The following LRRC4C variants were observed in gnomAD, a reference collection of about 807,000 sequenced individuals.
LRRC4C encodes the protein leucine-rich repeat-containing protein 4C.
In LRRC4C, 5 loss-of-function variants were observed where a neutral mutation model predicts 33.6. The observed-to-expected ratio is 0.15, with a 90% CI of 0.08 to 0.31. The LOEUF (loss-of-function observed/expected upper bound fraction) is 0.31. LRRC4C is among the 10% of genes least tolerant of loss of function. LRRC4C has a pLI of 1.00. For synonymous variants in LRRC4C, 329 were observed against 302.0 expected (o/e 1.09, Z -0.93); for missense variants, 560 against 796.7 (o/e 0.70, Z 3.58).
At chr11:40,320,725 G>A (rs147060156) in intron 3 of LRRC4C, among the ~76,000 whole-genome samples, 1,685 of 152,058 alleles carry the variant, frequency 0.011, 104 homozygotes, top group Admixed American at 0.1. Context: ...AAAAAGCTTC[G>A]TACAAAATTG....
chr11:40,186,105 T>C (rs1590649874), intron 5 of LRRC4C, among the ~76,000 whole-genome samples: 2 of 152,218 alleles, frequency 1.3e-5, no homozygotes, highest in East Asian at 3.8e-4. Flanking sequence ...TTGTTTCTTG[T>C]TCACTATTCT....
intron 3 of LRRC4C, among the ~76,000 whole-genome samples, chr11:40,420,509 G>T (rs1404081339): frequency 6.6e-6 from 1 of 152,004 alleles, no homozygotes; most frequent in Non-Finnish European, 1.5e-5. Context: ...ATCTCCATTT[G>T]TTCTAAAGTC....
intron 1 of LRRC4C, among the ~76,000 whole-genome samples, chr11:40,995,300 T>G (rs1853890770): frequency 6.6e-6 from 1 of 152,216 alleles, no homozygotes; most frequent in East Asian, 1.9e-4. Context: ...TACCTTGTTC[T>G]TATTCATATA....
At chr11:40,843,667 G>T (rs895702338) in intron 2 of LRRC4C, among the ~76,000 whole-genome samples, 2 of 152,148 alleles carry the variant, frequency 1.3e-5, no homozygotes, top group Non-Finnish European at 2.9e-5. Flanking sequence ...TTCAAAACAA[G>T]TTTATGCAGA....
chr11:41,037,544 G>A (rs996996235), intron 1 of LRRC4C, among the ~76,000 whole-genome samples: 1 of 149,500 alleles, frequency 6.7e-6, no homozygotes, highest in East Asian at 2.0e-4. Flanking sequence ...TAGCATACAT[G>A]CTTGCTGAAC....
chr11:40,559,782 T>A (rs1565504802), intron 3 of LRRC4C, among the ~76,000 whole-genome samples: 1 of 152,200 alleles, frequency 6.6e-6, no homozygotes, highest in Non-Finnish European at 1.5e-5. Context: ...ACGAGTGGTA[T>A]CTCATTGAGG....
chr11:40,192,532 G>T (rs1458919405), intron 5 of LRRC4C, among the ~76,000 whole-genome samples: 1 of 152,148 alleles, frequency 6.6e-6, no homozygotes, highest in Non-Finnish European at 1.5e-5. Flanking sequence ...GTGGCCATTT[G>T]GGCAGACACT....
chr11:40,594,490 A>C (rs1051072332), intron 3 of LRRC4C, among the ~76,000 whole-genome samples: 2 of 152,220 alleles, frequency 1.3e-5, no homozygotes, highest in African/African-American at 4.8e-5. Context: ...CCTAATTAAG[A>C]GTCAAGAGGA....
chr11:40,390,783 A>G (rs545801171), intron 3 of LRRC4C, among the ~76,000 whole-genome samples: 20 of 152,284 alleles, frequency 1.3e-4, no homozygotes, highest in African/African-American at 4.6e-4. Flanking sequence ...CCTGCCTGCC[A>G]AGTGTCAGGA....
At chr11:40,314,964 G>A (rs1729266822) in intron 4 of LRRC4C, among the ~76,000 whole-genome samples, 1 of 151,828 alleles carries the variant, frequency 6.6e-6, no homozygotes, top group Non-Finnish European at 1.5e-5. Context: ...TAGAAAGGAG[G>A]AATAATTTCT....
In LRRC4C at chr11:41,075,046, GTT is replaced by G. The variant is rs59948632; in HGVS notation, c.-495-141325_-495-141324del. Among the ~76,000 whole-genome samples the G allele has an allele frequency of 8.0e-3, 420 of 52,588 alleles. 2 individuals are homozygous for G. Among genetic ancestry groups the G allele is most frequent in the African/African-American group, 0.019 (290 of 15,084 alleles). The allele number at this position is 52,588 out of a possible 152,430, so 34.5% of individuals were successfully genotyped here. Reference sequence around the variant, plus strand: ...TTTTTTTTTTTTTTTTATTTTTAATGTTTTTTTTTTTTTTTTATTATACTCTA... The same window carrying G: ...TTTTTTTTTTTTTTTTATTTTTAATGTTTTTTTTTTTTTTATTATACTCTA... On this transcript the variant is annotated intron_variant, in intron 1 of 6. Coordinates refer to ENST00000528697, the MANE Select transcript of LRRC4C (RefSeq NM_001258419.2).
intron 3 of LRRC4C, among the ~76,000 whole-genome samples, chr11:40,559,245 GCA>G (rs1957454225): frequency 6.8e-6 from 1 of 145,990 alleles, no homozygotes; most frequent in African/African-American, 2.5e-5. Context: ...AGTGCAGTGT[GCA>G]TCTCAGCTCA....
intron 3 of LRRC4C, among the ~76,000 whole-genome samples, chr11:40,492,214 T>A (rs1180601630): frequency 6.6e-6 from 1 of 152,236 alleles, no homozygotes; most frequent in Admixed American, 6.5e-5. Context: ...AATTGTATTT[T>A]CATTCATACA....
At chr11:40,423,044 T>G (rs1950575860) in intron 3 of LRRC4C, among the ~76,000 whole-genome samples, 1 of 152,148 alleles carries the variant, frequency 6.6e-6, no homozygotes, top group Non-Finnish European at 1.5e-5. Context: ...TTTGTCTGCT[T>G]GGCGGAAGTG....
chr11:40,568,412 G>A (rs759858722), intron 3 of LRRC4C, among the ~76,000 whole-genome samples: 16 of 152,192 alleles, frequency 1.1e-4, no homozygotes, highest in Admixed American at 5.2e-4. Context: ...CCCCTGGGCC[G>A]GAAGAGCCAG....
At chr11:40,796,447 C>G (rs541982715) in intron 2 of LRRC4C, among the ~76,000 whole-genome samples, 1 of 152,110 alleles carries the variant, frequency 6.6e-6, no homozygotes, top group African/African-American at 2.4e-5. Context: ...GTGAAAGAGG[C>G]CACTTTAGCC....
At chr11:40,728,162 G>A (rs1947380028) in intron 2 of LRRC4C, among the ~76,000 whole-genome samples, 1 of 152,042 alleles carries the variant, frequency 6.6e-6, no homozygotes, top group Admixed American at 6.6e-5. Flanking sequence ...TGTTGGCAAG[G>A]TTGTGGAAAA....
rs535895026 is a variant in LRRC4C at position 41,382,258 on chromosome 11, C to T, written c.-496+77173G>A. Among the ~76,000 whole-genome samples, 6 of 151,988 alleles carry T rather than the reference C, an allele frequency of 3.9e-5. No homozygotes were observed. The East Asian group carries it at 1.2e-3, about 29-fold the overall frequency. On this transcript the variant is annotated intron_variant, in intron 1 of 6. Transcript: ENST00000528697. ...CCTTAAAGATAATTACACTGATAGT[C>T]GGCATTTCTAAAACAATCAAAACTT...
intron 4 of LRRC4C, among the ~76,000 whole-genome samples, chr11:40,271,958 T>C (rs1450245970): frequency 1.3e-5 from 2 of 152,182 alleles, no homozygotes; most frequent in African/African-American, 4.8e-5. Flanking sequence ...TACCATTTGG[T>C]CTATGTTCCT....
Sources: gnomAD v4.1 joint callset for allele counts (sites outside exome capture counted in the v4.1 genomes callset) on GRCh38, gnomAD v4.1.1 for gene constraint, MANE v1.5 for transcripts, NCBI Gene and HGNC (gene_info 2026-07-23, HGNC 2026-07-21) for gene names.